NR2F1-AS1: variants seen among roughly 807,000 people sequenced by gnomAD.
The protein encoded by NR2F1-AS1 is NR2F1 regulatory antisense RNA 1.
chr5:93,583,047 C>T (rs1427659001), upstream of NR2F1-AS1, among the ~76,000 whole-genome samples: 3 of 152,170 alleles, frequency 2.0e-5, no homozygotes, highest in East Asian at 5.8e-4. Context: ...TTTTCTCTCC[C>T]CCCGATTCAG....
At chr5:93,433,810 A>C (rs1361189020) in intron 4 of NR2F1-AS1, among the ~76,000 whole-genome samples, 1 of 152,186 alleles carries the variant, frequency 6.6e-6, no homozygotes, top group African/African-American at 2.4e-5. Context: ...TTATAAACTT[A>C]AATAATTATG....
intron 4 of NR2F1-AS1, among the ~76,000 whole-genome samples, chr5:93,467,514 C>T (rs1273165975): frequency 6.6e-6 from 1 of 152,176 alleles, no homozygotes; most frequent in East Asian, 1.9e-4. Context: ...GTGCTCCGTT[C>T]AGTTGATTTG....
chr5:93,545,964 A>G (rs1010687780), intron 4 of NR2F1-AS1, among the ~76,000 whole-genome samples: 3 of 152,202 alleles, frequency 2.0e-5, no homozygotes, highest in African/African-American at 7.2e-5. Context: ...CTTGCTAAGA[A>G]GTTTTATATA....
At chr5:93,484,687 G>T (rs570618130) in intron 4 of NR2F1-AS1, among the ~76,000 whole-genome samples, 1 of 151,056 alleles carries the variant, frequency 6.6e-6, no homozygotes, top group Admixed American at 6.6e-5. Flanking sequence ...ACCCATCAAT[G>T]TGCTGTATTC....
intron 4 of NR2F1-AS1, among the ~76,000 whole-genome samples, chr5:93,429,455 T>C (rs1749265054): frequency 6.6e-6 from 1 of 152,194 alleles, no homozygotes; most frequent in South Asian, 2.1e-4. Context: ...ATTCAATCCA[T>C]CCTGTGACAA....
intron 4 of NR2F1-AS1, among the ~76,000 whole-genome samples, chr5:93,461,431 G>A (rs1302607972): frequency 1.3e-5 from 2 of 152,026 alleles, no homozygotes; most frequent in African/African-American, 4.8e-5. Flanking sequence ...AAACCACCAT[G>A]GCACATGTTT....
At chr5:93,543,288 A>T (rs1242297558) in intron 4 of NR2F1-AS1, 1 of 152,246 alleles carries the variant, frequency 6.6e-6, no homozygotes, top group African/African-American at 2.4e-5. Context: ...AGACCTACTA[A>T]GACTTCAGAT....
At chr5:93,539,320 A>T (rs1442261675) in intron 4 of NR2F1-AS1, among the ~76,000 whole-genome samples, 1 of 152,132 alleles carries the variant, frequency 6.6e-6, no homozygotes, top group Non-Finnish European at 1.5e-5. Flanking sequence ...TTATTCCAGC[A>T]CTACTTAACA....
At chr5:93,456,456 A>C (rs921237599) in intron 4 of NR2F1-AS1, among the ~76,000 whole-genome samples, 1 of 152,182 alleles carries the variant, frequency 6.6e-6, no homozygotes, top group Non-Finnish European at 1.5e-5. Flanking sequence ...TCCCACATAC[A>C]TGAAGAGATG....
intron 4 of NR2F1-AS1, among the ~76,000 whole-genome samples, chr5:93,468,255 A>G (rs1750284264): frequency 6.6e-6 from 1 of 152,172 alleles, no homozygotes; most frequent in Admixed American, 6.5e-5. Context: ...GGTTGAACTA[A>G]TTTACACTCC....
chr5:93,515,199 T>C (rs1751376558), intron 4 of NR2F1-AS1, among the ~76,000 whole-genome samples: 1 of 151,968 alleles, frequency 6.6e-6, no homozygotes, highest in African/African-American at 2.4e-5. Flanking sequence ...TTTTGTTCTC[T>C]AATCTTTAAC....
chr5:93,536,116 T>C (rs1483246474), intron 4 of NR2F1-AS1, among the ~76,000 whole-genome samples: 6 of 152,058 alleles, frequency 3.9e-5, no homozygotes, highest in African/African-American at 1.4e-4. Flanking sequence ...AAAATCCACA[T>C]ACAAAAATCA....
Position 93,418,359 on chromosome 5 carries a change from TG to T in NR2F1-AS1, n.639-22818del, listed in dbSNP as rs1397352438. 2.6e-5 allele frequency among the ~76,000 whole-genome samples: 4 copies of T among 152,036 alleles called. No individual in the cohort carries two copies. The East Asian group carries it at 5.8e-4, about 22-fold the overall frequency. On this transcript the variant is annotated intron_variant and non_coding_transcript_variant, in intron 4 of 5. Coordinates refer to ENST00000660523, the Ensembl canonical transcript of NR2F1-AS1. ...ATCCCAGCACTTTGGGAGGCCAAGG[TG>T]GGCAGATCACAAGGTCAGGAGATTG...
intron 2 of NR2F1-AS1, among the ~76,000 whole-genome samples, chr5:93,557,739 G>T (rs926409501): frequency 2.2e-4 from 33 of 152,130 alleles, no homozygotes; most frequent in African/African-American, 7.5e-4. Context: ...AATAAAGTTT[G>T]CCCCATTGAT....
At chr5:93,486,270 A>T (rs1465734865) in intron 4 of NR2F1-AS1, among the ~76,000 whole-genome samples, 1 of 151,896 alleles carries the variant, frequency 6.6e-6, no homozygotes, top group East Asian at 1.9e-4. Flanking sequence ...TAATAATAAT[A>T]AATTAATTAA....
At chr5:93,460,779 T>C (rs531942743) in intron 4 of NR2F1-AS1, among the ~76,000 whole-genome samples, 77 of 152,210 alleles carry the variant, frequency 5.1e-4, no homozygotes, top group Non-Finnish European at 1.0e-3. Flanking sequence ...AAAACCACAG[T>C]GAGGTACCAT....
intron 2 of NR2F1-AS1, among the ~76,000 whole-genome samples, chr5:93,556,182 A>G (rs764616728): frequency 2.0e-5 from 3 of 152,168 alleles, no homozygotes; most frequent in Non-Finnish European, 2.9e-5. Context: ...TCGTACTACC[A>G]GTTACACTTA....
intron 4 of NR2F1-AS1, among the ~76,000 whole-genome samples, chr5:93,450,816 A>T (rs890371488): frequency 3.3e-5 from 5 of 150,770 alleles, no homozygotes; most frequent in African/African-American, 1.2e-4. Flanking sequence ...TAATCCCAGT[A>T]CTTCGGGAGG....
At chr5:93,486,468 C>G (rs1462077960) in intron 4 of NR2F1-AS1, among the ~76,000 whole-genome samples, 4 of 152,084 alleles carry the variant, frequency 2.6e-5, no homozygotes, top group Non-Finnish European at 5.9e-5. Flanking sequence ...ATAAACACCT[C>G]TACGCAAATA....
Sources: allele counts gnomAD v4.1 joint callset (sites outside exome capture counted in the v4.1 genomes callset), GRCh38; gene constraint gnomAD v4.1.1; transcripts MANE v1.5; gene names NCBI Gene and HGNC (gene_info 2026-07-23, HGNC 2026-07-21).